The following CNTNAP2 variants were observed in gnomAD, a reference collection of about 807,000 sequenced individuals.
The protein encoded by CNTNAP2 is contactin-associated protein-like 2.
CNTNAP2 carries 98 observed loss-of-function variants against 155.2 expected under a neutral mutation model. The observed-to-expected ratio is 0.63, with a 90% CI of 0.54 to 0.75. CNTNAP2 has a LOEUF of 0.75. Ranked by LOEUF, CNTNAP2 falls within the 30% of genes least tolerant of loss-of-function variation. The pLI, the probability that CNTNAP2 is intolerant of heterozygous loss-of-function variation, is 0.00. For synonymous variants in CNTNAP2, 651 were observed against 631.2 expected (o/e 1.03, Z -0.47); for missense variants, 1,727 against 1,688.1 (o/e 1.02, Z -0.40).
At chr7:146,251,235 T>C (rs1240844470) in intron 1 of CNTNAP2, among the ~76,000 whole-genome samples, 2 of 152,176 alleles carry the variant, frequency 1.3e-5, no homozygotes, top group African/African-American at 4.8e-5. Context: ...CCCTGATTCA[T>C]TGAAACTTTA....
At chr7:146,628,050 A>G (rs1799449342) in intron 1 of CNTNAP2, among the ~76,000 whole-genome samples, 2 of 152,272 alleles carry the variant, frequency 1.3e-5, no homozygotes, top group South Asian at 4.1e-4. Flanking sequence ...TTCCAAAGAT[A>G]TATTTAATAG....
At chr7:147,920,945 G>T (rs1800266800) in intron 14 of CNTNAP2, among the ~76,000 whole-genome samples, 1 of 151,640 alleles carries the variant, frequency 6.6e-6, no homozygotes, top group Admixed American at 6.6e-5. Flanking sequence ...AAGTAGCTGG[G>T]ACTACAGGCA....
intron 10 of CNTNAP2, among the ~76,000 whole-genome samples, chr7:147,480,802 C>G (rs888902264): frequency 5.3e-5 from 8 of 152,150 alleles, no homozygotes; most frequent in African/African-American, 1.9e-4. Flanking sequence ...TGCGCTAGAG[C>G]CTTGCTATTC....
At chr7:146,530,179 G>A (rs1269828118) in intron 1 of CNTNAP2, among the ~76,000 whole-genome samples, 1 of 152,170 alleles carries the variant, frequency 6.6e-6, no homozygotes, top group African/African-American at 2.4e-5. Context: ...CTAGCCATAT[G>A]CAGAAAATTG....
chr7:146,971,020 A>T (rs1022526745), intron 3 of CNTNAP2, among the ~76,000 whole-genome samples: 3 of 152,140 alleles, frequency 2.0e-5, no homozygotes, highest in Admixed American at 6.5e-5. Context: ...ATGAGAACAC[A>T]TGGACACAGG....
rs377703002 is a variant in CNTNAP2 at position 146,627,034 on chromosome 7, T to C, written c.98-147237T>C. 7.9e-5 allele frequency among the ~76,000 whole-genome samples: 12 copies of C among 152,248 alleles called. No homozygotes were observed. The East Asian group carries it at 1.9e-3, about 24-fold the overall frequency. ...TGGGAAGAAAAAGAGGTTTAATGGA[T>C]TTACAGTTCCAGATGGCTGGGGAGG... is the stretch of plus-strand genomic sequence containing the variant. On this transcript the variant is annotated intron_variant, in intron 1 of 23. Transcript: ENST00000361727.
intron 3 of CNTNAP2, among the ~76,000 whole-genome samples, chr7:147,019,393 G>A (rs1168019458): frequency 6.6e-6 from 1 of 151,950 alleles, no homozygotes; most frequent in Non-Finnish European, 1.5e-5. Context: ...TGTCTCCCAA[G>A]TTGGGAGTAC....
At chr7:147,391,815 T>TC (rs1424637700) in intron 9 of CNTNAP2, among the ~76,000 whole-genome samples, 1 of 152,086 alleles carries the variant, frequency 6.6e-6, no homozygotes, top group African/African-American at 2.4e-5. Flanking sequence ...GATCATGTTT[T>TC]CCTGGAATTT....
intron 2 of CNTNAP2, among the ~76,000 whole-genome samples, chr7:146,795,966 A>G (rs1802761227): frequency 6.6e-6 from 1 of 152,234 alleles, no homozygotes; most frequent in African/African-American, 2.4e-5. Flanking sequence ...TACAATTTGA[A>G]ATTCAAAGGG....
chr7:146,155,117 C>A (rs1798105603), intron 1 of CNTNAP2, among the ~76,000 whole-genome samples: 1 of 152,064 alleles, frequency 6.6e-6, no homozygotes, highest in African/African-American at 2.4e-5. Flanking sequence ...GCTTTGAAAG[C>A]CTGAATAATT....
intron 3 of CNTNAP2, among the ~76,000 whole-genome samples, chr7:146,940,751 C>CCATA (rs1554412644): frequency 6.6e-6 from 1 of 150,448 alleles, no homozygotes; most frequent in Non-Finnish European, 1.5e-5. Flanking sequence ...ACACACTGCA[C>CCATA]TATATATATA....
chr7:146,679,634 C>T (rs557486868), intron 1 of CNTNAP2, among the ~76,000 whole-genome samples: 23 of 152,214 alleles, frequency 1.5e-4, no homozygotes, highest in Middle Eastern at 3.4e-3. Flanking sequence ...GGATTACAGG[C>T]GTGAGCCACC....
At chr7:146,325,726 T>A (rs553959113) in intron 1 of CNTNAP2, among the ~76,000 whole-genome samples, 103 of 152,248 alleles carry the variant, frequency 6.8e-4, no homozygotes, top group Non-Finnish European at 1.3e-3. Flanking sequence ...CATATTTCTT[T>A]CCATCTTCCT....
At chr7:146,821,658 G>A (rs555920172) in intron 2 of CNTNAP2, among the ~76,000 whole-genome samples, 16 of 152,128 alleles carry the variant, frequency 1.1e-4, no homozygotes, top group East Asian at 3.9e-4. Flanking sequence ...AAAAGTGGGC[G>A]AAGGATGTGA....
chr7:147,632,664 G>A (rs10269881), intron 12 of CNTNAP2, among the ~76,000 whole-genome samples: 29,964 of 152,126 alleles, frequency 0.2, 3,122 homozygotes, highest in Middle Eastern at 0.25. Context: ...ATTGGTACTG[G>A]GTAGTGGGGT....
At chr7:146,288,217 G>A (rs372528906) in intron 1 of CNTNAP2, among the ~76,000 whole-genome samples, 6 of 151,282 alleles carry the variant, frequency 4.0e-5, no homozygotes, top group African/African-American at 1.5e-4. Context: ...AGGATTGCTT[G>A]GACCTGGGAG....
intron 8 of CNTNAP2, among the ~76,000 whole-genome samples, chr7:147,216,902 T>A (rs1027902995): frequency 6.6e-6 from 1 of 152,062 alleles, no homozygotes; most frequent in Non-Finnish European, 1.5e-5. Context: ...GTAATTCTGA[T>A]GGATTTTTCA....
intron 1 of CNTNAP2, among the ~76,000 whole-genome samples, chr7:146,501,013 T>C (rs1797292892): frequency 6.6e-6 from 1 of 152,120 alleles, no homozygotes; most frequent in Non-Finnish European, 1.5e-5. Context: ...TGATATAATA[T>C]ACTATATTCA....
At chr7:146,344,957 G>A (rs1794797525) in intron 1 of CNTNAP2, among the ~76,000 whole-genome samples, 1 of 152,152 alleles carries the variant, frequency 6.6e-6, no homozygotes, top group Non-Finnish European at 1.5e-5. Flanking sequence ...AGAGCTGTTG[G>A]AACAGTCTGG....
Sources: allele counts gnomAD v4.1 joint callset (sites outside exome capture counted in the v4.1 genomes callset), GRCh38; gene constraint gnomAD v4.1.1; transcripts MANE v1.5; gene names NCBI Gene and HGNC (gene_info 2026-07-23, HGNC 2026-07-21).